Variants in NEK5 observed in about 807,000 individuals in gnomAD.
NEK5 encodes NIMA related kinase 5.
NEK5 carries 88 observed loss-of-function variants against 109.2 expected under a neutral mutation model. That is an observed-to-expected ratio of 0.81 (90% confidence interval 0.68 to 0.96). NEK5 has a LOEUF of 0.96. Ranked by LOEUF, NEK5 falls within the 40% of genes least tolerant of loss-of-function variation. NEK5 has a pLI of 0.00. For missense variants in NEK5, 834 were observed against 920.7 expected (o/e 0.91, Z 1.22); for synonymous variants, 283 against 299.9 (o/e 0.94, Z 0.58).
intron 12 of NEK5, among the ~76,000 whole-genome samples, chr13:52,099,032 T>G (rs1955475296): frequency 1.3e-5 from 2 of 152,214 alleles, no homozygotes; most frequent in Admixed American, 1.3e-4. Context: ...AATAGTAACT[T>G]AATTGTACAT....
rs1304803073 is a variant in NEK5, at chr13:52,087,414, C to T, written c.1316G>A (p.Arg439Lys). Residue 439 changes from arginine to lysine, a missense_variant, in exon 15 of 24, where the codon AGA (arginine) becomes AAA (lysine). This residue lies in a region of NEK5 where 777 missense variants were observed against 824.7 expected (regional missense o/e 0.94). Coordinates refer to ENST00000684899, the MANE Select transcript of NEK5 (RefSeq NM_001365552.1). ...PSSAEPNYNQ[R>K]QELRSNGEEP... is the part of the protein sequence containing the mutation. Reference sequence around the variant, plus strand: ...TTCTCCATTACTTCTTAGCTCTTGTCTCTGGTTGTAATTTGGCTCGGCAGA... The same window carrying T: ...TTCTCCATTACTTCTTAGCTCTTGTTTCTGGTTGTAATTTGGCTCGGCAGA... 2 of 1,611,866 alleles carry T rather than the reference C, an allele frequency of 1.2e-6. No homozygotes were observed. The highest frequency in any genetic ancestry group is 1.7e-5 in the Admixed American group (1 of 59,974).
intron 21 of NEK5, among the ~76,000 whole-genome samples, chr13:52,064,513 C>T (rs1197230710): frequency 6.6e-6 from 1 of 150,544 alleles, no homozygotes; most frequent in African/African-American, 2.4e-5. Context: ...GGTCAGCCCC[C>T]CGCCTGGCCA....
At chr13:52,093,588 T>C (rs924382358) in intron 12 of NEK5, among the ~76,000 whole-genome samples, 4 of 152,088 alleles carry the variant, frequency 2.6e-5, no homozygotes, top group Middle Eastern at 3.2e-3. Flanking sequence ...TACAAATTTA[T>C]AATACTTGAC....
rs773876520 is a variant in NEK5 at position 52,082,278 on chromosome 13, G to A, written c.1572+982C>T. On this transcript the variant is annotated intron_variant, in intron 17 of 23. Transcript: ENST00000684899. ...TGCGGTGAGCCAAGATCGTGCCATT[G>A]CACTCCAGCCTGGGCAACAAGAGCG... The A allele has an allele frequency of 3.0e-5, 19 of 639,432 alleles. No homozygotes were observed. The East Asian group carries it at 1.4e-3, about 47-fold the overall frequency. 39.6% of individuals were successfully genotyped at this position (639,432 alleles called of 1,614,324 possible).
intron 19 of NEK5, 44 bp from the exon 20 acceptor site, chr13:52,072,114 T>C: frequency 6.5e-7 from 1 of 1,530,064 alleles, no homozygotes; most frequent in South Asian, 1.2e-5. Flanking sequence ...AGCCATATTT[T>C]GAAAGAAAGA....
At position 52,086,169 on chromosome 13, in the gene NEK5, T is replaced by A. The variant is rs564026509; in HGVS notation, c.1479+108A>T. The A allele has an allele frequency of 1.7e-5, 13 of 780,106 alleles. 1 individual carries two copies. In the Middle Eastern group the frequency reaches 1.6e-3, roughly 96 times the overall value. 48.3% of individuals were successfully genotyped at this position (780,106 alleles called of 1,614,324 possible). On this transcript the variant is annotated intron_variant, in intron 16 of 23. Transcript: ENST00000684899. Reference sequence around the variant, plus strand: ...AAAGAAGTCTACATGATTATCTCTATGATAAAACTTTATCTTTTCTATAAG... The same window carrying A: ...AAAGAAGTCTACATGATTATCTCTAAGATAAAACTTTATCTTTTCTATAAG...
At chr13:52,065,812 G>T (rs1954680856) in intron 20 of NEK5, among the ~76,000 whole-genome samples, 1 of 152,184 alleles carries the variant, frequency 6.6e-6, no homozygotes, top group South Asian at 2.1e-4. Context: ...GTGTTTGACT[G>T]ACTAGCCAAT....
At chr13:52,069,065 C>T (rs1027498912) in intron 20 of NEK5, among the ~76,000 whole-genome samples, 2 of 151,798 alleles carry the variant, frequency 1.3e-5, no homozygotes, top group African/African-American at 4.8e-5. Flanking sequence ...ATAATAATTA[C>T]AGGAATACAG....
At chr13:52,081,139 T>C (rs1955005193) in intron 17 of NEK5, among the ~76,000 whole-genome samples, 2 of 152,214 alleles carry the variant, frequency 1.3e-5, no homozygotes, top group Non-Finnish European at 2.9e-5. Flanking sequence ...GATTGTCGTG[T>C]AGAGAAATAA....
At chr13:52,086,696 G>A (rs1407188526) in intron 15 of NEK5, among the ~76,000 whole-genome samples, 1 of 152,180 alleles carries the variant, frequency 6.6e-6, no homozygotes, top group East Asian at 1.9e-4. Flanking sequence ...CTAACCCCCA[G>A]TGCCTTAGAA....
rs1955227967 is a variant in NEK5 at position 52,089,363 on chromosome 13, G to A, written c.1209-50C>T. On this transcript the variant is annotated intron_variant, in intron 13 of 23. Transcript: ENST00000684899. Reference sequence around the variant, plus strand: ...TAAGTAGAAACTTGAACAAATCTTAGGCACCAATTTGACGAGTAATTTTCA... The same window carrying A: ...TAAGTAGAAACTTGAACAAATCTTAAGCACCAATTTGACGAGTAATTTTCA... 3.5e-6 allele frequency: 4 copies of A among 1,141,730 alleles called. No homozygotes were observed. The Admixed American group carries it at 5.8e-5, about 17-fold the overall frequency. The allele number at this position is 1,141,730 out of a possible 1,614,324, so 70.7% of individuals were successfully genotyped here. A position where few individuals can be genotyped will look rare whatever the true frequency, so the allele number is the denominator to read the frequency against.
chr13:52,100,204 G>A (rs1955502018), intron 11 of NEK5, among the ~76,000 whole-genome samples: 1 of 152,000 alleles, frequency 6.6e-6, no homozygotes, highest in Non-Finnish European at 1.5e-5. Flanking sequence ...GGTCATTAGA[G>A]CTTGGGTTAT....
At chr13:52,126,766 G>A (rs571396894) in intron 3 of NEK5, among the ~76,000 whole-genome samples, 3 of 152,118 alleles carry the variant, frequency 2.0e-5, no homozygotes, top group Non-Finnish European at 1.5e-5. Context: ...GTGACAGAGC[G>A]AGACTCCGTC....
At chr13:52,080,287 C>T (rs1954974254) in intron 17 of NEK5, among the ~76,000 whole-genome samples, 1 of 150,048 alleles carries the variant, frequency 6.7e-6, no homozygotes, top group Non-Finnish European at 1.5e-5. Context: ...AGCCCCCCGC[C>T]CGGCCAGCCG....
intron 22 of NEK5, among the ~76,000 whole-genome samples, chr13:52,051,080 AC>A (rs1954501787): frequency 1.3e-5 from 2 of 149,316 alleles, no homozygotes; most frequent in Non-Finnish European, 3.0e-5. Context: ...TTTTTTTAGA[AC>A]TCTGGTCAGA....
intron 17 of NEK5, among the ~76,000 whole-genome samples, chr13:52,078,073 C>CAA (rs749297441): frequency 1.2e-4 from 14 of 113,054 alleles, no homozygotes; most frequent in African/African-American, 3.6e-4. Flanking sequence ...AAACTTGTCT[C>CAA]AAAAAAAAAA....
chr13:52,039,690 T>G (rs1424618391), intron 23 of NEK5, among the ~76,000 whole-genome samples: 1 of 152,208 alleles, frequency 6.6e-6, no homozygotes, highest in Non-Finnish European at 1.5e-5. Context: ...ATGTTTTTAC[T>G]TAGACCTATC....
At chr13:52,054,749 G>C (rs565266466) in intron 22 of NEK5, among the ~76,000 whole-genome samples, 40 of 152,338 alleles carry the variant, frequency 2.6e-4, no homozygotes, top group African/African-American at 9.1e-4. Flanking sequence ...CTGTCTGTTA[G>C]AAGGAAAACT....
At chr13:52,118,970 C>T (rs1442158309) in intron 4 of NEK5, among the ~76,000 whole-genome samples, 2 of 152,156 alleles carry the variant, frequency 1.3e-5, no homozygotes, top group Non-Finnish European at 1.5e-5. Flanking sequence ...AAGACCCCAG[C>T]CCACCACAGC....
Sources: allele counts gnomAD v4.1 joint callset (sites outside exome capture counted in the v4.1 genomes callset), GRCh38; gene constraint gnomAD v4.1.1; regional missense constraint gnomAD v4.1.1; transcripts MANE v1.5; gene names NCBI Gene and HGNC (gene_info 2026-07-23, HGNC 2026-07-21).